Variants in LTBP1 observed in about 807,000 individuals in gnomAD.
The protein encoded by LTBP1 is latent transforming growth factor beta binding protein 1.
In LTBP1, 129 loss-of-function variants were observed where a neutral mutation model predicts 207.6. That is an observed-to-expected ratio of 0.62 (90% confidence interval 0.54 to 0.72). The LOEUF is 0.72. LTBP1 is among the 30% of genes least tolerant of loss of function. LTBP1 has a pLI of 0.00. For synonymous variants in LTBP1, 963 were observed against 833.7 expected (o/e 1.16, Z -2.67); for missense variants, 2,281 against 2,217.2 (o/e 1.03, Z -0.58).
chr2:33,292,998 G>A (rs1028212146), intron 19 of LTBP1, among the ~76,000 whole-genome samples, 162 bp from the exon 20 acceptor site: 10 of 152,162 alleles, frequency 6.6e-5, no homozygotes, highest in Admixed American at 2.0e-4. Context: ...TTTAGCTCAC[G>A]ACAAGCTGCT....
At chr2:33,168,443 G>A (rs2085129326) in intron 5 of LTBP1, among the ~76,000 whole-genome samples, 1 of 151,278 alleles carries the variant, frequency 6.6e-6, no homozygotes, top group Admixed American at 6.6e-5. Context: ...GAAAATGGGT[G>A]TTGTGTAAAA....
intron 2 of LTBP1, among the ~76,000 whole-genome samples, chr2:33,003,225 A>G (rs219174): frequency 0.32 from 47,969 of 152,092 alleles, 8,640 homozygotes; most frequent in Non-Finnish European, 0.4. Context: ...AAATGTAGAA[A>G]GACATTTTGA....
chr2:33,356,523 C>T (rs1273791907), intron 26 of LTBP1, among the ~76,000 whole-genome samples: 1 of 151,996 alleles, frequency 6.6e-6, no homozygotes, highest in Non-Finnish European at 1.5e-5. Context: ...ACTAAAAATA[C>T]AAAAAATTCG....
chr2:33,294,836 C>T (rs185725763), intron 20 of LTBP1, among the ~76,000 whole-genome samples: 3 of 151,930 alleles, frequency 2.0e-5, no homozygotes, highest in African/African-American at 7.2e-5. Flanking sequence ...CTCAGCCTCC[C>T]AAAGTGCTGG....
chr2:33,285,451 CTTTTTTT>C (rs199993814), intron 19 of LTBP1, among the ~76,000 whole-genome samples: 1 of 124,400 alleles, frequency 8.0e-6, no homozygotes, highest in Non-Finnish European at 1.7e-5. Flanking sequence ...CTTTCTTTTT[CTTTTTTT>C]TTTTTTTTGA....
At chr2:33,032,003 A>G (rs1363537551) in intron 3 of LTBP1, among the ~76,000 whole-genome samples, 2 of 152,204 alleles carry the variant, frequency 1.3e-5, no homozygotes, top group Non-Finnish European at 2.9e-5. Context: ...TGTCTTGCAC[A>G]GGGACTTGAG....
intron 3 of LTBP1, among the ~76,000 whole-genome samples, chr2:33,057,017 C>T (rs370896551): frequency 3.3e-5 from 5 of 152,040 alleles, no homozygotes; most frequent in African/African-American, 1.2e-4. Context: ...TCTCCACGTC[C>T]CCACTAGATT....
chr2:33,060,091 A>G (rs887055897), intron 3 of LTBP1, among the ~76,000 whole-genome samples: 1 of 152,158 alleles, frequency 6.6e-6, no homozygotes, highest in Non-Finnish European at 1.5e-5. Flanking sequence ...GACTGTGCAC[A>G]TGGACCTATT....
chr2:33,119,176 T>C (rs994854913), intron 4 of LTBP1, among the ~76,000 whole-genome samples: 32 of 151,502 alleles, frequency 2.1e-4, no homozygotes, highest in African/African-American at 7.0e-4. Context: ...ATTTTTTTTT[T>C]CCCTAGGGAA....
At chr2:33,055,486 G>A (rs564414414) in intron 3 of LTBP1, among the ~76,000 whole-genome samples, 52 of 152,262 alleles carry the variant, frequency 3.4e-4, no homozygotes, top group Admixed American at 2.9e-3. Flanking sequence ...GTCCCAGTGG[G>A]GATCCATACT....
chr2:32,989,857 C>T (rs575974831), intron 2 of LTBP1, among the ~76,000 whole-genome samples: 1 of 152,288 alleles, frequency 6.6e-6, no homozygotes, highest in African/African-American at 2.4e-5. Flanking sequence ...AATATGGTAC[C>T]TACGGCAAAG....
intron 13 of LTBP1, among the ~76,000 whole-genome samples, chr2:33,261,425 G>A (rs2147986940): frequency 6.6e-6 from 1 of 152,312 alleles, no homozygotes; most frequent in South Asian, 2.1e-4. Flanking sequence ...TAAGTGCTCA[G>A]TATTTGTAGG....
At chr2:33,388,254 G>C (rs557967687) in intron 31 of LTBP1, among the ~76,000 whole-genome samples, 3 of 152,280 alleles carry the variant, frequency 2.0e-5, no homozygotes, top group Admixed American at 2.0e-4. Flanking sequence ...CCGTGGGGCT[G>C]ACCCAGTGTG....
intron 3 of LTBP1, among the ~76,000 whole-genome samples, chr2:33,065,622 C>T (rs1216272664): frequency 1.3e-5 from 2 of 151,652 alleles, no homozygotes; most frequent in Non-Finnish European, 2.9e-5. Context: ...ATTATGAATT[C>T]GATTTGTGGA....
intron 9 of LTBP1, among the ~76,000 whole-genome samples, chr2:33,222,953 T>C (rs1239973112): frequency 6.6e-6 from 1 of 152,228 alleles, no homozygotes; most frequent in African/African-American, 2.4e-5. Context: ...CTTGGAAATA[T>C]GTATACATTG....
intron 2 of LTBP1, among the ~76,000 whole-genome samples, chr2:33,003,239 C>T (rs899058096): frequency 2.0e-5 from 3 of 152,114 alleles, no homozygotes; most frequent in Non-Finnish European, 4.4e-5. Flanking sequence ...ATTTTGAGAG[C>T]CAGTATGTTG....
At chr2:33,355,749 T>C (rs1486043717) in intron 26 of LTBP1, among the ~76,000 whole-genome samples, 4 of 152,100 alleles carry the variant, frequency 2.6e-5, no homozygotes, top group African/African-American at 9.7e-5. Flanking sequence ...TCTCTTGTAA[T>C]GCCTTCACTA....
intron 5 of LTBP1, among the ~76,000 whole-genome samples, chr2:33,143,736 G>C (rs1383347005): frequency 5.9e-5 from 9 of 151,378 alleles, no homozygotes; most frequent in Non-Finnish European, 1.5e-5. Context: ...GTCTTTTACG[G>C]AAGAACCTTA....
chr2:33,074,353 C>T (rs1365595765), intron 3 of LTBP1, among the ~76,000 whole-genome samples: 1 of 152,166 alleles, frequency 6.6e-6, no homozygotes, highest in African/African-American at 2.4e-5. Flanking sequence ...TCACTTCTTC[C>T]TCTAGCAGTT....
Sources: allele counts gnomAD v4.1 joint callset (sites outside exome capture counted in the v4.1 genomes callset), GRCh38; gene constraint gnomAD v4.1.1; transcripts MANE v1.5; gene names NCBI Gene and HGNC (gene_info 2026-07-23, HGNC 2026-07-21).